TOMM40: variants seen among roughly 807,000 people sequenced by gnomAD.
TOMM40 encodes the protein translocase of outer mitochondrial membrane 40.
TOMM40 carries 9 observed loss-of-function variants against 38.4 expected under a neutral mutation model. That is an observed-to-expected ratio of 0.23 (90% confidence interval 0.14 to 0.41). The LOEUF (loss-of-function observed/expected upper bound fraction) is 0.41. Among genes scored for constraint, TOMM40 ranks in the 10% least tolerant of loss-of-function variants. TOMM40 has a pLI of 1.00. For synonymous variants in TOMM40, 184 were observed against 210.0 expected, an observed-to-expected ratio of 0.88 and a Z score of 1.07; for missense variants, 299 against 486.5, an observed-to-expected ratio of 0.61 and a Z score of 3.63.
rs746588590 is a variant in TOMM40, at chr19:44,893,886, G to A, written c.537+5G>A. The A allele has an allele frequency of 6.8e-6, 11 of 1,612,060 alleles. No homozygotes were observed. The highest frequency in any genetic ancestry group is 6.8e-6 in the Non-Finnish European group (8 of 1,179,860). The stretch of plus-strand genomic sequence containing the variant: ...AGGTCCAAGATGGCCATCCAGGTGA[G>A]TGGGGCACGGAGGCTGCTGCTCCCC... On this transcript the variant is annotated splice_donor_5th_base_variant and intron_variant, in intron 4 of 8. Coordinates refer to ENST00000426677, the MANE Select transcript of TOMM40 (RefSeq NM_001128917.2).
rs201475352 is a variant in TOMM40 at position 44,898,194 on chromosome 19, C to A, written c.644-2536C>A. Among the ~76,000 whole-genome samples the A allele has an allele frequency of 5.9e-5, 9 of 152,300 alleles. No homozygotes were observed. The East Asian group carries it at 1.4e-3, about 23-fold the overall frequency. On this transcript the variant is annotated intron_variant, in intron 5 of 8. Coordinates refer to ENST00000426677, the MANE Select transcript of TOMM40 (RefSeq NM_001128917.2). ...GCCATGCCTGCAGGTATGAAAGGCCCCTATTCCTGCAGCTCCAGAGAGCTG... is the reference window on the plus strand; with the variant it reads ...GCCATGCCTGCAGGTATGAAAGGCCACTATTCCTGCAGCTCCAGAGAGCTG...
At chr19:44,898,438 G>A (rs915176869) in intron 5 of TOMM40, among the ~76,000 whole-genome samples, 4 of 151,292 alleles carry the variant, frequency 2.6e-5, no homozygotes, top group Non-Finnish European at 5.9e-5. Flanking sequence ...TTGCTCGATC[G>A]TGGTGGATTT....
intron 3 of TOMM40, 112 bp from the exon 4 acceptor site, chr19:44,893,668 A>C: frequency 1.2e-6 from 1 of 835,906 alleles, no homozygotes; most frequent in South Asian, 1.8e-5. Flanking sequence ...CACTTCGTGG[A>C]GGAGGGGACC....
At chr19:44,902,753 A>C in intron 8 of TOMM40, 1 of 338,466 alleles carries the variant, frequency 3.0e-6, no homozygotes, top group African/African-American at 2.2e-5. Context: ...AGTGAGAGGA[A>C]CAGATTCATC....
intron 1 of TOMM40, 103 bp from the exon 2 acceptor site, chr19:44,892,290 G>A: frequency 1.8e-6 from 2 of 1,115,578 alleles, no homozygotes; most frequent in Middle Eastern, 1.9e-4. Flanking sequence ...TTTGTGAGAT[G>A]TTCTGCTGTG....
At position 44,899,791 on chromosome 19, in the gene TOMM40, CTTTTTTTTTTTT is replaced by C. The variant is rs10524523; in HGVS notation, c.644-915_644-904del. ...TACTGGCATGAGCCATTGCATCTGGCTTTTTTTTTTTTTTTTTTTTTTTTTTTTTTTTTTTGA... is the reference window on the plus strand; with the variant it reads ...TACTGGCATGAGCCATTGCATCTGGCTTTTTTTTTTTTTTTTTTTTTTTGA... On this transcript the variant is annotated intron_variant, in intron 5 of 8. Transcript: ENST00000426677. 3.3e-4 allele frequency among the ~76,000 whole-genome samples: 30 copies of C among 90,986 alleles called. 1 individual carries two copies. The highest frequency in any genetic ancestry group is 2.3e-3 in the South Asian group (5 of 2,170). 59.7% of individuals were successfully genotyped at this position (90,986 alleles called of 152,430 possible).
intron 5 of TOMM40, among the ~76,000 whole-genome samples, chr19:44,897,249 G>T (rs1380935361): frequency 6.6e-6 from 1 of 152,114 alleles, no homozygotes; most frequent in Admixed American, 6.5e-5. Flanking sequence ...CCAGGAGATG[G>T]GAAGGATGGT....
chr19:44,894,790 G>T (rs1010028525), intron 5 of TOMM40, among the ~76,000 whole-genome samples: 5 of 152,158 alleles, frequency 3.3e-5, no homozygotes, highest in African/African-American at 1.2e-4. Context: ...ACTTGAGGGA[G>T]GATGGTCCCC....
rs1408263325 is a variant in TOMM40 at position 44,901,016 on chromosome 19, ACT to A, written c.767-7_767-6del. 2.5e-6 allele frequency: 4 copies of A among 1,613,804 alleles called. No individual in the cohort carries two copies. Among genetic ancestry groups the A allele is most frequent in the African/African-American group, 1.3e-5 (1 of 74,890 alleles). ...GGTAATGAGACCCCGCCTCCACCCCACTCTCTGACAGTGAACAACTGGTTGGC... is the reference window on the plus strand; with the variant it reads ...GGTAATGAGACCCCGCCTCCACCCCACTCTGACAGTGAACAACTGGTTGGC... On this transcript the variant is annotated splice_polypyrimidine_tract_variant and intron_variant, in intron 6 of 8. Transcript: ENST00000426677.
chr19:44,891,796 C>T, intron 1 of TOMM40, 107 bp downstream of exon 1: 1 of 1,187,780 alleles, frequency 8.4e-7, no homozygotes, highest in South Asian at 2.1e-5. Flanking sequence ...AATTATTTAA[C>T]AGCACTAGGA....
intron 8 of TOMM40, chr19:44,901,972 C>A (rs1315280694): frequency 1.3e-5 from 2 of 151,992 alleles, no homozygotes; most frequent in Admixed American, 6.6e-5. Context: ...CAACTGTAGT[C>A]CCCGCTACTT....
Position 44,892,454 on chromosome 19 carries a change from T to C in TOMM40, c.336T>C (p.His112=). 6.2e-7 allele frequency: 1 copy of C among 1,612,500 alleles called. No individual in the cohort carries two copies. The highest frequency in any genetic ancestry group is 8.5e-7 in the Non-Finnish European group (1 of 1,179,946). Residue 112 remains histidine, a synonymous_variant, in exon 2 of 9, where the codon CAT becomes CAC. Transcript: ENST00000426677. ...CAGTCAACAAAGGGTTGAGTAACCA[T>C]TTTCAGGTGAGCCTTCCTGGTGTCC... ...KLTVNKGLSN[H]FQVNHTVALS...
intron 5 of TOMM40, among the ~76,000 whole-genome samples, chr19:44,894,277 T>C (rs1238005218): frequency 6.7e-6 from 1 of 149,946 alleles, no homozygotes; most frequent in Non-Finnish European, 1.5e-5. Context: ...TTTTTTTTTT[T>C]TTGAGATGGA....
intron 8 of TOMM40, 50 bp from the exon 9 acceptor site, chr19:44,902,970 GAACTCTGCAT>G: frequency 6.4e-7 from 1 of 1,572,406 alleles, no homozygotes; most frequent in Non-Finnish European, 8.6e-7. Flanking sequence ...AGGTGGCCAG[GAACTCTGCAT>G]GGATATGGTG....
chr19:44,897,812 G>C (rs932743336), intron 5 of TOMM40, among the ~76,000 whole-genome samples: 1 of 151,278 alleles, frequency 6.6e-6, no homozygotes, highest in Non-Finnish European at 1.5e-5. Context: ...GGGAGAGATG[G>C]GGGTCTCGCC....
chr19:44,903,330 G>A lies in TOMM40; in HGVS notation c.*161G>A. 2.7e-6 allele frequency: 2 copies of A among 732,366 alleles called. No homozygotes were observed. The highest frequency in any genetic ancestry group is 2.0e-5 in the South Asian group (1 of 50,392). The allele number at this position is 732,366 out of a possible 1,614,324, so 45.4% of individuals were successfully genotyped here. ...ACCCCGCCACCCCAGCAGCTGAGGA[G>A]GGGATTCTGGAACTGAATGGCGCTT... On this transcript the variant is annotated 3_prime_UTR_variant, in exon 9 of 9. Coordinates refer to ENST00000426677, the MANE Select transcript of TOMM40 (RefSeq NM_001128917.2).
intron 5 of TOMM40, among the ~76,000 whole-genome samples, chr19:44,897,053 G>C (rs1458249532): frequency 6.6e-6 from 1 of 152,126 alleles, no homozygotes; most frequent in African/African-American, 2.4e-5. Flanking sequence ...CCAAGGCCTT[G>C]CAGGTGTGCT....
intron 5 of TOMM40, among the ~76,000 whole-genome samples, chr19:44,896,949 G>T (rs1969577535): frequency 6.6e-6 from 1 of 152,214 alleles, no homozygotes; most frequent in Non-Finnish European, 1.5e-5. Flanking sequence ...AACTACTGGG[G>T]ACGCTGAGCT....
chr19:44,900,899 ACTC>A lies in TOMM40; in HGVS notation c.766+53_766+55del, dbSNP rs769342001. 162 of 1,609,608 alleles carry A rather than the reference ACTC, an allele frequency of 1.0e-4. 1 individual carries two copies. Among genetic ancestry groups the A allele is most frequent in the South Asian group, 3.3e-5 (3 of 90,822 alleles). ...GAGGGTGGAGGGGCTGGGCCCCTGG[ACTC>A]CTCCTGGGTCTGAGGGAGGACGGGC... On this transcript the variant is annotated intron_variant, in intron 6 of 8. Transcript: ENST00000426677.
Sources: allele counts gnomAD v4.1 joint callset (sites outside exome capture counted in the v4.1 genomes callset), GRCh38; gene constraint gnomAD v4.1.1; transcripts MANE v1.5; gene names NCBI Gene and HGNC (gene_info 2026-07-23, HGNC 2026-07-21).